Variants in LHX8 observed in about 807,000 individuals in gnomAD.
LHX8 encodes LIM/homeobox protein Lhx8.
Under a neutral mutation model 40.3 loss-of-function variants are expected in LHX8, and 12 were observed. The observed-to-expected ratio is 0.30, with a 90% CI of 0.19 to 0.48. LHX8 has a LOEUF of 0.48. Ranked by LOEUF, LHX8 falls within the 20% of genes least tolerant of loss-of-function variation. LHX8 has a pLI of 0.99. For synonymous variants in LHX8, 179 were observed against 162.0 expected, an observed-to-expected ratio of 1.10 and a Z score of -0.80; for missense variants, 344 against 433.7, an observed-to-expected ratio of 0.79 and a Z score of 1.84.
At chr1:75,178,888 G>A in the LHX8 span, among the ~76,000 whole-genome samples, 1 of 152,108 alleles carries the variant, frequency 6.6e-6, no homozygotes, top group East Asian at 1.9e-4. Context: ...GTTCTCATTG[G>A]TTTCAAGTAA....
chr1:75,186,228 C>A, the LHX8 span, among the ~76,000 whole-genome samples: 1 of 152,056 alleles, frequency 6.6e-6, no homozygotes, highest in Admixed American at 6.6e-5. Flanking sequence ...AGAACTCAAA[C>A]AACCAAAGCA....
At chr1:75,143,363 G>C (rs1258564093) in intron 5 of LHX8, 25 bp downstream of exon 5, 2 of 1,534,470 alleles carry the variant, frequency 1.3e-6, no homozygotes, top group Admixed American at 1.7e-5. Context: ...AAATACTTTT[G>C]AGTCTTTTGA....
At chr1:75,179,252 G>A in the LHX8 span, among the ~76,000 whole-genome samples, 2 of 152,144 alleles carry the variant, frequency 1.3e-5, no homozygotes, top group African/African-American at 4.8e-5. Flanking sequence ...TCTTTGATCT[G>A]TCTACTATTG....
rs771149971 is a variant in LHX8, at chr1:75,137,138, C to T, written c.114C>T (p.Ser38=). The T allele has an allele frequency of 6.8e-6, 11 of 1,611,176 alleles. No individual in the cohort carries two copies. The highest frequency in any genetic ancestry group is 1.7e-6 in the Non-Finnish European group (2 of 1,178,676). ...GAGCGGGGGACGAGGACTCGTGCTC[C>T]TCCTCGGCCCCGCTGTCCCCGTCGT... ...PEGAGDEDSC[S]SSAPLSPSSS... Residue 38 remains serine (S), a synonymous_variant, in exon 3 of 9, where the codon TCC becomes TCT. Coordinates refer to ENST00000356261, the MANE Select transcript of LHX8 (RefSeq NM_001256114.2).
intron 4 of LHX8, among the ~76,000 whole-genome samples, chr1:75,141,506 T>C (rs1648310988): frequency 6.6e-6 from 1 of 152,162 alleles, no homozygotes. Flanking sequence ...GTTATGCTTT[T>C]AGCAGTTTAC....
At chr1:75,152,891 A>G (rs1276033829) in intron 7 of LHX8, among the ~76,000 whole-genome samples, 1 of 152,150 alleles carries the variant, frequency 6.6e-6, no homozygotes, top group African/African-American at 2.4e-5. Context: ...AGCTTGAACA[A>G]ATTAGTTTAT....
At chr1:75,165,455 G>A (rs1193717722), downstream of LHX8, among the ~76,000 whole-genome samples, 1 of 152,152 alleles carries the variant, frequency 6.6e-6, no homozygotes, top group Non-Finnish European at 1.5e-5. Flanking sequence ...CCACTGCAAG[G>A]AACTGCTTCT....
intron 1 of LHX8, among the ~76,000 whole-genome samples, chr1:75,136,132 T>C (rs187657581): frequency 2.0e-5 from 3 of 152,194 alleles, no homozygotes; most frequent in Non-Finnish European, 4.4e-5. Flanking sequence ...GCTCTTTTAA[T>C]TGAGGTTATT....
intron 6 of LHX8, among the ~76,000 whole-genome samples, chr1:75,148,235 C>A (rs1648515921): frequency 6.6e-6 from 1 of 152,072 alleles, no homozygotes; most frequent in Non-Finnish European, 1.5e-5. Flanking sequence ...ATTAAGTTTT[C>A]AAATGTTGGC....
chr1:75,185,815 G>C, the LHX8 span, among the ~76,000 whole-genome samples: 1 of 152,028 alleles, frequency 6.6e-6, no homozygotes, highest in African/African-American at 2.4e-5. Context: ...CAACCCAAAA[G>C]CTCTGTTAGC....
chr1:75,146,826 A>G (rs943717551), intron 6 of LHX8, among the ~76,000 whole-genome samples: 21 of 152,158 alleles, frequency 1.4e-4, no homozygotes, highest in African/African-American at 5.1e-4. Context: ...TTACTCTTTA[A>G]TGAGAAATTA....
At chr1:75,148,804 A>G (rs536315214) in intron 7 of LHX8, 122 bp downstream of exon 7, 91 of 700,010 alleles carry the variant, frequency 1.3e-4, no homozygotes, top group Middle Eastern at 5.5e-4. Context: ...CAGCCTCCCA[A>G]AGTAATGGGA....
At chr1:75,184,764 C>G in the LHX8 span, among the ~76,000 whole-genome samples, 2 of 150,210 alleles carry the variant, frequency 1.3e-5, no homozygotes, top group Non-Finnish European at 3.0e-5. Flanking sequence ...CAAATCAGAG[C>G]TGAACTGGAG....
chr1:75,194,146 A>T, the LHX8 span, among the ~76,000 whole-genome samples: 5 of 152,312 alleles, frequency 3.3e-5, no homozygotes, highest in East Asian at 9.6e-4. Flanking sequence ...ACAGCATGAA[A>T]CTATTAGCCA....
chr1:75,187,352 AC>A, the LHX8 span, among the ~76,000 whole-genome samples: 4 of 152,226 alleles, frequency 2.6e-5, no homozygotes, highest in Non-Finnish European at 4.4e-5. Flanking sequence ...TAGGGTGTTA[AC>A]ATGGAACTCT....
intron 8 of LHX8, chr1:75,159,655 T>C (rs939806376): frequency 6.6e-6 from 1 of 152,180 alleles, no homozygotes; most frequent in African/African-American, 2.4e-5. Flanking sequence ...GGATCTTTGG[T>C]GGGTCTATTC....
chr1:75,137,600 T>C (rs1485008551), intron 3 of LHX8, among the ~76,000 whole-genome samples: 3 of 152,236 alleles, frequency 2.0e-5, no homozygotes, highest in Non-Finnish European at 2.9e-5. Context: ...CCTGCTTAGT[T>C]ATTTTTCACC....
In LHX8 at chr1:75,140,972, C is replaced by T; in HGVS notation, c.238-13C>T. The T allele has an allele frequency of 6.2e-7, 1 of 1,613,304 alleles. No homozygotes were observed. Among genetic ancestry groups the T allele is most frequent in the Non-Finnish European group, 8.5e-7 (1 of 1,179,444 alleles). On this transcript the variant is annotated splice_polypyrimidine_tract_variant and intron_variant, in intron 3 of 8. Coordinates refer to ENST00000356261, the MANE Select transcript of LHX8 (RefSeq NM_001256114.2). ...TAAATATGATATTACAATGGCTTCT[C>T]TTCCCTTCACAGGTGAATGACCTAT... is the stretch of plus-strand genomic sequence containing the variant.
At chr1:75,188,642 A>G in the LHX8 span, among the ~76,000 whole-genome samples, 1 of 152,284 alleles carries the variant, frequency 6.6e-6, no homozygotes, top group Non-Finnish European at 1.5e-5. Flanking sequence ...TAGAGGCACT[A>G]TTCCTCTTTG....
Sources: gnomAD v4.1 joint callset for allele counts (sites outside exome capture counted in the v4.1 genomes callset) on GRCh38, gnomAD v4.1.1 for gene constraint, MANE v1.5 for transcripts, NCBI Gene and HGNC (gene_info 2026-07-23, HGNC 2026-07-21) for gene names.